WDR64: variants seen among roughly 807,000 people sequenced by gnomAD.
WDR64 encodes WD repeat domain 64.
WDR64 carries 112 observed loss-of-function variants against 139.3 expected under a neutral mutation model. That is an observed-to-expected ratio of 0.80 (90% CI 0.69 to 0.94). WDR64 has a LOEUF of 0.94. Among genes scored for constraint, WDR64 ranks in the 40% least tolerant of loss-of-function variants. WDR64 has a pLI of 0.00. For missense variants in WDR64, 1,206 were observed against 1,293.1 expected, an observed-to-expected ratio of 0.93 and a Z score of 1.03; for synonymous variants, 444 against 437.7, an observed-to-expected ratio of 1.01 and a Z score of -0.18.
At chr1:241,769,377 C>A in intron 16 of WDR64, 27 bp from the exon 17 acceptor site, 1 of 1,534,242 alleles carries the variant, frequency 6.5e-7, no homozygotes, top group Non-Finnish European at 8.8e-7. Flanking sequence ...TGAATTTTTT[C>A]TCATATAAAT....
chr1:241,695,734 CT>C (rs1253369265), intron 8 of WDR64, among the ~76,000 whole-genome samples: 65 of 152,230 alleles, frequency 4.3e-4, no homozygotes, highest in African/African-American at 1.5e-3. Flanking sequence ...GATGAAGTGG[CT>C]TATTTCTACT....
At chr1:241,794,504 G>GTTTTTTTTT (rs11419039) in intron 25 of WDR64, among the ~76,000 whole-genome samples, 13 of 81,484 alleles carry the variant, frequency 1.6e-4, no homozygotes, top group African/African-American at 2.2e-4. Context: ...AAGCTTTACT[G>GTTTTTTTTT]TTTTTTTTTT....
intron 13 of WDR64, among the ~76,000 whole-genome samples, chr1:241,745,454 A>C (rs1321038002): frequency 6.9e-6 from 1 of 144,316 alleles, no homozygotes; most frequent in Non-Finnish European, 1.5e-5. Flanking sequence ...AGCAATGTAC[A>C]CAATTATTAT....
rs1198369215 is a variant in WDR64, at chr1:241,687,586, A to C, written c.965A>C (p.Glu322Ala). The change falls in exon 8 of 28, where the codon GAG becomes GCG. Residue 322 changes from glutamate to alanine, a missense_variant. Physicochemically the swap from Glu to Ala is moderately radical, Grantham distance 107. Coordinates refer to ENST00000437684, the MANE Select transcript of WDR64 (RefSeq NM_001367482.1). ...GTTTTGGAATCCTTGAAGAGACTCG[A>C]GGATAATTTGTAAGTATAGTAATTT... ...SLVLESLKRL[E>A]DNLPVREFSM... is the part of the protein sequence containing the mutation. The C allele has an allele frequency of 3.1e-6, 5 of 1,612,840 alleles. No individual in the cohort carries two copies. In the African/African-American group the frequency reaches 6.7e-5, roughly 22 times the overall value.
Position 241,769,468 on chromosome 1 carries a change from G to T in WDR64, c.2146G>T (p.Asp716Tyr). Reference protein sequence around the residue: ...DLHPKHFKINDILFLFRTPEC... With the variant: ...DLHPKHFKINYILFLFRTPEC... ...GCATCCCAAGCACTTTAAAATTAAT[G>T]ACATACTGTTCCTCTTTCGTACCCC... Residue 716 changes from aspartate (D) to tyrosine (Y), a missense_variant, in exon 17 of 28, where the codon GAC becomes TAC. Asp to Tyr is a radical substitution (Grantham distance 160, BLOSUM62 -3). Coordinates refer to ENST00000437684, the MANE Select transcript of WDR64 (RefSeq NM_001367482.1). 1.3e-6 allele frequency: 2 copies of T among 1,551,392 alleles called. No individual in the cohort carries two copies. The highest frequency in any genetic ancestry group is 8.7e-7 in the Non-Finnish European group (1 of 1,146,942).
chr1:241,713,061 C>T (rs1220551014), intron 9 of WDR64, among the ~76,000 whole-genome samples: 1 of 151,148 alleles, frequency 6.6e-6, no homozygotes, highest in South Asian at 2.1e-4. Context: ...AATCCCGGCA[C>T]TTTGGGAGGC....
At chr1:241,670,369 G>GA (rs1666179679) in intron 2 of WDR64, among the ~76,000 whole-genome samples, 1 of 151,996 alleles carries the variant, frequency 6.6e-6, no homozygotes, top group Non-Finnish European at 1.5e-5. Context: ...ATCTAGCCCT[G>GA]AAAAATTCAT....
chr1:241,777,819 A>T lies in WDR64; in HGVS notation c.2537-2185A>T, dbSNP rs113310290. On this transcript the variant is annotated intron_variant, in intron 21 of 27. Transcript: ENST00000437684. ...CTACCTAATCTCCAAGTACTTGGGG[A>T]TTTTCCAGTTGTCTTTCTGTTACTG... 5.3e-3 allele frequency among the ~76,000 whole-genome samples: 802 copies of T among 152,072 alleles called. 8 individuals carry two copies. The highest frequency in any genetic ancestry group is 0.018 in the African/African-American group (764 of 41,458).
chr1:241,691,872 G>A (rs1377040184), intron 8 of WDR64, among the ~76,000 whole-genome samples: 1 of 152,114 alleles, frequency 6.6e-6, no homozygotes, highest in East Asian at 1.9e-4. Flanking sequence ...AATTAGCCAG[G>A]CATGATGGTG....
intron 8 of WDR64, among the ~76,000 whole-genome samples, chr1:241,707,733 G>T (rs1007483593): frequency 6.6e-6 from 1 of 152,188 alleles, no homozygotes; most frequent in Admixed American, 6.5e-5. Flanking sequence ...CTGCACAGTT[G>T]CCCTGCATGA....
chr1:241,774,804 T>C (rs371810906), intron 20 of WDR64, among the ~76,000 whole-genome samples: 14 of 152,124 alleles, frequency 9.2e-5, no homozygotes, highest in African/African-American at 3.1e-4. Context: ...GTCTGAGGAA[T>C]TGCATGAAAA....
Position 241,757,336 on chromosome 1 carries a change from G to C in WDR64, c.1824G>C (p.Val608=), listed in dbSNP as rs1280949253. ...LMVIWELPDV[V]PFLQDGKHAV... The stretch of plus-strand genomic sequence containing the variant: ...TGATCTGGGAGCTGCCTGATGTTGT[G>C]CCTTTCCTACAAGATGGGAAACATG... The change falls in exon 15 of 28, where the codon GTG becomes GTC. Residue 608 remains valine, a synonymous_variant. Coordinates refer to ENST00000437684, the MANE Select transcript of WDR64 (RefSeq NM_001367482.1). The C allele has an allele frequency of 6.2e-7, 1 of 1,614,034 alleles. No individual in the cohort carries two copies. Among genetic ancestry groups the C allele is most frequent in the Non-Finnish European group, 8.5e-7 (1 of 1,179,976 alleles).
chr1:241,696,113 C>CAAAAAAAA lies in WDR64; in HGVS notation c.974+8539_974+8546dup, dbSNP rs541301982. 2.2e-3 allele frequency among the ~76,000 whole-genome samples: 48 copies of CAAAAAAAA among 22,318 alleles called. 12 individuals carry two copies. Among genetic ancestry groups the CAAAAAAAA allele is most frequent in the African/African-American group, 5.7e-3 (41 of 7,166 alleles). The allele number at this position is 22,318 out of a possible 152,430, so 14.6% of individuals were successfully genotyped here. A position where few individuals can be genotyped will look rare whatever the true frequency, so the allele number is the denominator to read the frequency against. On this transcript the variant is annotated intron_variant, in intron 8 of 27. Coordinates refer to ENST00000437684, the MANE Select transcript of WDR64 (RefSeq NM_001367482.1). ...TGTGGAATGGAATGAGACCCAGTAT[C>CAAAAAAAA]AAAAAAAAAAAAAAAAAAAAAAAAA...
At chr1:241,746,706 G>C (rs960836841) in intron 13 of WDR64, among the ~76,000 whole-genome samples, 2 of 151,534 alleles carry the variant, frequency 1.3e-5, no homozygotes, top group African/African-American at 4.8e-5. Flanking sequence ...GAATCTGAAA[G>C]GCACTAACAA....
chr1:241,688,643 C>G (rs1365658933), intron 8 of WDR64, among the ~76,000 whole-genome samples: 1 of 152,066 alleles, frequency 6.6e-6, no homozygotes, highest in Non-Finnish European at 1.5e-5. Context: ...TTTTGTTGCC[C>G]CCACATTGGA....
At chr1:241,674,240 G>GT (rs1180641853) in intron 3 of WDR64, among the ~76,000 whole-genome samples, 1 of 131,184 alleles carries the variant, frequency 7.6e-6, no homozygotes, top group East Asian at 2.1e-4. Context: ...AAAGCTGGCT[G>GT]TTTATCTTTT....
intron 1 of WDR64, among the ~76,000 whole-genome samples, chr1:241,657,617 A>G (rs1251373485): frequency 6.6e-6 from 1 of 152,018 alleles, no homozygotes; most frequent in South Asian, 2.1e-4. Flanking sequence ...TTTGCTCATC[A>G]GGTCTCAGCT....
intron 10 of WDR64, among the ~76,000 whole-genome samples, chr1:241,728,819 T>C (rs1292435365): frequency 8.5e-6 from 1 of 117,782 alleles, no homozygotes; most frequent in African/African-American, 3.6e-5. Flanking sequence ...CTGATTCTCT[T>C]CTTCTTTTTT....
At chr1:241,767,762 T>C (rs897329718) in intron 16 of WDR64, among the ~76,000 whole-genome samples, 1 of 152,196 alleles carries the variant, frequency 6.6e-6, no homozygotes, top group African/African-American at 2.4e-5. Flanking sequence ...ATTTATTGCT[T>C]GGACTATGGA....
Sources: allele counts gnomAD v4.1 joint callset (sites outside exome capture counted in the v4.1 genomes callset), GRCh38; gene constraint gnomAD v4.1.1; transcripts MANE v1.5; gene names NCBI Gene and HGNC (gene_info 2026-07-23, HGNC 2026-07-21).